The following NFAM1 variants were observed in gnomAD, a reference collection of about 807,000 sequenced individuals.
The protein encoded by NFAM1 is NFAT activation molecule 1.
Under a neutral mutation model 29.0 loss-of-function variants are expected in NFAM1, and 17 were observed. That is an observed-to-expected ratio of 0.59 (90% CI 0.40 to 0.88). NFAM1 has a LOEUF of 0.88. NFAM1 is among the 40% of genes least tolerant of loss of function. The pLI is 0.00. For missense variants in NFAM1, 324 were observed against 344.6 expected (o/e 0.94, Z 0.47); for synonymous variants, 175 against 147.2 (o/e 1.19, Z -1.36).
At chr22:42,415,294 C>CTTTTTTTTT (rs398037250) in intron 1 of NFAM1, among the ~76,000 whole-genome samples, 25 of 94,830 alleles carry the variant, frequency 2.6e-4, no homozygotes, top group African/African-American at 4.5e-4. Context: ...TTCTTTCTTT[C>CTTTTTTTTT]TTTTTTTTTT....
chr22:42,406,106 C>T (rs957688839), intron 3 of NFAM1, among the ~76,000 whole-genome samples: 2 of 149,714 alleles, frequency 1.3e-5, no homozygotes, highest in African/African-American at 4.9e-5. Context: ...TCAGCTTCCT[C>T]GCCTGCTCTT....
Position 42,384,790 on chromosome 22 carries a change from G to T in NFAM1, c.*371C>A, listed in dbSNP as rs1013871801. 1 of 315,704 alleles carries T rather than the reference G, an allele frequency of 3.2e-6. No individual in the cohort carries two copies. The highest frequency in any genetic ancestry group is 7.5e-5 in the East Asian group (1 of 13,302). The allele number at this position is 315,704 out of a possible 1,614,324, so 19.6% of individuals were successfully genotyped here. On this transcript the variant is annotated 3_prime_UTR_variant, in exon 6 of 6. Transcript: ENST00000329021. ...CTCAGAGGCTGCCCTACTGGCTGAG[G>T]TGCAGGCTGGTGCCAAGAGAGCATG...
chr22:42,437,726 G>A, the NFAM1 span, among the ~76,000 whole-genome samples: 1 of 152,314 alleles, frequency 6.6e-6, no homozygotes, highest in South Asian at 2.1e-4. Flanking sequence ...CCCCCTCTAG[G>A]GGTCCTGGGC....
upstream of NFAM1, among the ~76,000 whole-genome samples, chr22:42,434,273 G>A (rs1185647317): frequency 6.6e-6 from 1 of 152,182 alleles, no homozygotes; most frequent in African/African-American, 2.4e-5. Context: ...GTGAGCATAA[G>A]GCAGGGAGAA....
intron 4 of NFAM1, among the ~76,000 whole-genome samples, chr22:42,392,832 C>T (rs923497667): frequency 2.6e-5 from 4 of 152,006 alleles, no homozygotes; most frequent in Non-Finnish European, 4.4e-5. Context: ...CAGAGTCTCG[C>T]TCTGTCACCC....
upstream of NFAM1, among the ~76,000 whole-genome samples, chr22:42,435,816 T>A (rs1930925627): frequency 1.2e-5 from 1 of 81,958 alleles, no homozygotes; most frequent in African/African-American, 1.1e-4. Flanking sequence ...TTTCTTCTTC[T>A]TTTTTTTTTT....
chr22:42,407,890 C>A (rs1165484038), intron 3 of NFAM1, among the ~76,000 whole-genome samples: 1 of 149,086 alleles, frequency 6.7e-6, no homozygotes, highest in African/African-American at 2.5e-5. Flanking sequence ...CCATACCTGG[C>A]AGACAGATTT....
At chr22:42,427,194 T>C (rs1930652570) in intron 1 of NFAM1, among the ~76,000 whole-genome samples, 1 of 152,112 alleles carries the variant, frequency 6.6e-6, no homozygotes, top group Non-Finnish European at 1.5e-5. Flanking sequence ...CACTAGGGTA[T>C]GGCCTTGCTT....
chr22:42,415,061 G>C (rs1426530485), intron 1 of NFAM1, among the ~76,000 whole-genome samples: 1 of 152,132 alleles, frequency 6.6e-6, no homozygotes, highest in Non-Finnish European at 1.5e-5. Context: ...GCGAGGAGAG[G>C]CTTCGAAACG....
intron 1 of NFAM1, among the ~76,000 whole-genome samples, chr22:42,421,197 T>C (rs1027851342): frequency 5.9e-5 from 9 of 151,966 alleles, no homozygotes; most frequent in Admixed American, 5.2e-4. Flanking sequence ...ACGCCTGTAA[T>C]CCCAGCACTC....
At chr22:42,429,067 G>T (rs575396029) in intron 1 of NFAM1, among the ~76,000 whole-genome samples, 2 of 152,214 alleles carry the variant, frequency 1.3e-5, no homozygotes, top group African/African-American at 2.4e-5. Flanking sequence ...GGGAGGAGGA[G>T]GATGGCTGGG....
rs549975950 is a variant in NFAM1, at chr22:42,409,357, C to T, written c.564+78G>A. 95 of 723,036 alleles carry T rather than the reference C, an allele frequency of 1.3e-4. No individual in the cohort carries two copies. In the African/African-American group the frequency reaches 1.4e-3, roughly 11 times the overall value. The allele number at this position is 723,036 out of a possible 1,614,324, so 44.8% of individuals were successfully genotyped here. On this transcript the variant is annotated intron_variant, in intron 3 of 5. Coordinates refer to ENST00000329021, the MANE Select transcript of NFAM1 (RefSeq NM_145912.8). This position sits in a 1 kb window ranked among gnomAD's most constrained non-coding sequence, Gnocchi z 4.9. ...TGTGCCCTCACCAGGGCCCACCAAA[C>T]GCCCTGCAGAGGGCAGGCGGGCAGC... is the stretch of plus-strand genomic sequence containing the variant.
At chr22:42,415,356 A>G (rs1569233345) in intron 1 of NFAM1, among the ~76,000 whole-genome samples, 2 of 129,780 alleles carry the variant, frequency 1.5e-5, no homozygotes, top group Non-Finnish European at 3.1e-5. Context: ...CTGGAGTGCG[A>G]TGGCGCGATC....
chr22:42,389,668 G>A (rs1268903166), intron 4 of NFAM1, among the ~76,000 whole-genome samples: 2 of 146,314 alleles, frequency 1.4e-5, no homozygotes, highest in African/African-American at 2.5e-5. Flanking sequence ...GGGTGTTGGG[G>A]GCTGGGGGGC....
At chr22:42,385,495 T>G (rs2147086702) in intron 5 of NFAM1, among the ~76,000 whole-genome samples, 1 of 152,064 alleles carries the variant, frequency 6.6e-6, no homozygotes, top group African/African-American at 2.4e-5. Flanking sequence ...CTGCCCTATG[T>G]GTGGGATGCG....
chr22:42,385,858 AG>A (rs1412610566), intron 5 of NFAM1, among the ~76,000 whole-genome samples: 1 of 152,196 alleles, frequency 6.6e-6, no homozygotes, highest in Non-Finnish European at 1.5e-5. Flanking sequence ...AAATAGTGCC[AG>A]CCCGAGCCAG....
chr22:42,424,407 T>C (rs367957084), intron 1 of NFAM1, among the ~76,000 whole-genome samples: 13 of 145,604 alleles, frequency 8.9e-5, no homozygotes, highest in African/African-American at 3.4e-4. Context: ...AGAGCGAGAC[T>C]CCGTCTCAAA....
chr22:42,417,976 G>A lies in NFAM1; in HGVS notation c.122-6240C>T, dbSNP rs145558332. On this transcript the variant is annotated intron_variant, in intron 1 of 5. Coordinates refer to ENST00000329021, the MANE Select transcript of NFAM1 (RefSeq NM_145912.8). ...GCAGACATCTCATCTGGGCAGCGCC[G>A]TGGATCCCTGCTTAGTCTGCCCACC... is the stretch of plus-strand genomic sequence containing the variant. Among the ~76,000 whole-genome samples, 1,245 of 152,316 alleles carry A rather than the reference G, an allele frequency of 8.2e-3. 29 individuals carry two copies. The highest frequency in any genetic ancestry group is 0.028 in the African/African-American group (1,168 of 41,548).
chr22:42,388,347 G>C lies in NFAM1; in HGVS notation c.664-1269C>G, dbSNP rs1338607088. Among the ~76,000 whole-genome samples, 1 of 152,206 alleles carries C rather than the reference G, an allele frequency of 6.6e-6. No individual in the cohort carries two copies. Among genetic ancestry groups the C allele is most frequent in the East Asian group, 1.9e-4 (1 of 5,202 alleles). ...CTGTGCACAAAGGGCCACACACACA[G>C]TCAGGGAAGTAGTAGGTGCTTAATA... On this transcript the variant is annotated intron_variant, in intron 4 of 5. Transcript: ENST00000329021. This position sits in a 1 kb window ranked among gnomAD's most constrained non-coding sequence, Gnocchi z 4.1.
Sources: gnomAD v4.1 joint callset for allele counts (sites outside exome capture counted in the v4.1 genomes callset) on GRCh38, gnomAD v4.1.1 for gene constraint, Gnocchi (gnomAD v3.1) non-coding constraint, MANE v1.5 for transcripts, NCBI Gene and HGNC (gene_info 2026-07-23, HGNC 2026-07-21) for gene names.